The following USP9Y variants were observed in gnomAD, a reference collection of about 807,000 sequenced individuals.
USP9Y encodes the protein ubiquitin specific peptidase 9 Y-linked.
USP9Y carries 41 observed loss-of-function variants against 53.1 expected under a neutral mutation model. The ratio of observed to expected loss-of-function variants is 0.77; its 90% confidence interval spans 0.60 to 1.00. The LOEUF (loss-of-function observed/expected upper bound fraction) is 1.00. Ranked by LOEUF, USP9Y falls within the 50% of genes least tolerant of loss-of-function variation. USP9Y has a pLI of 0.00. For synonymous variants in USP9Y, 220 were observed against 173.7 expected (o/e 1.27, Z -2.09); for missense variants, 567 against 535.8 (o/e 1.06, Z -0.58).
chrY:12,830,563 C>T, intron 33 of USP9Y, among the ~76,000 whole-genome samples: 7 of 33,353 alleles, frequency 2.1e-4, no homozygotes, highest in Admixed American at 1.9e-3. Flanking sequence ...TAAAAACATG[C>T]AGTGAATACA....
intron 27 of USP9Y, among the ~76,000 whole-genome samples, chrY:12,799,498 C>T (rs776796997): frequency 3.0e-5 from 1 of 33,775 alleles, no homozygotes; most frequent in South Asian, 6.6e-4. Context: ...TAGATGTGAG[C>T]TTGTGAAATG....
chrY:12,723,907 T>G, intron 5 of USP9Y, among the ~76,000 whole-genome samples: 1 of 33,622 alleles, frequency 3.0e-5, no homozygotes, highest in African/African-American at 1.2e-4. Flanking sequence ...ACGACTGTTA[T>G]GTTGTTTTAC....
In USP9Y at chrY:12,778,589, C is replaced by T; in HGVS notation, c.2881-17C>T. The T allele has an allele frequency of 2.5e-6, 1 of 396,562 alleles. No homozygotes were observed. Among genetic ancestry groups the T allele is most frequent in the Non-Finnish European group, 3.5e-6 (1 of 281,785 alleles). ...GTTTTGCCTTGTCTTTGCTAATAAACACACTGTTATTTTCAGCTAATTACA... is the reference window on the plus strand; with the variant it reads ...GTTTTGCCTTGTCTTTGCTAATAAATACACTGTTATTTTCAGCTAATTACA... On this transcript the variant is annotated splice_polypyrimidine_tract_variant and intron_variant, in intron 20 of 45. Coordinates refer to ENST00000338981, the MANE Select transcript of USP9Y (RefSeq NM_004654.4).
At chrY:12,714,049 C>T in intron 3 of USP9Y, among the ~76,000 whole-genome samples, 1 of 29,825 alleles carries the variant, frequency 3.4e-5, no homozygotes. Flanking sequence ...CGTGTCACCA[C>T]GCCTGGCTAA....
chrY:12,774,770 T>C, intron 17 of USP9Y, among the ~76,000 whole-genome samples: 1 of 33,588 alleles, frequency 3.0e-5, no homozygotes. Context: ...CATCTTGATA[T>C]ATCTAATCTG....
intron 15 of USP9Y, among the ~76,000 whole-genome samples, chrY:12,769,472 AC>A: frequency 3.0e-5 from 1 of 33,884 alleles, no homozygotes; most frequent in East Asian, 7.7e-4. Context: ...CCTGAGAAAT[AC>A]CTGTGTCTGT....
At chrY:12,805,419 A>G (rs2053523407) in intron 27 of USP9Y, among the ~76,000 whole-genome samples, 1 of 33,348 alleles carries the variant, frequency 3.0e-5, no homozygotes, top group Non-Finnish European at 7.4e-5. Context: ...TAATCCCTGG[A>G]AAGTTGCTTC....
chrY:12,816,431 T>C, intron 32 of USP9Y, 87 bp downstream of exon 32: 1 of 233,337 alleles, frequency 4.3e-6, no homozygotes, highest in Non-Finnish European at 7.1e-6. Context: ...TGGGATGTTA[T>C]GGGGACTACA....
Position 12,837,975 on chromosome Y carries a change from G to A in USP9Y, c.5260G>A (p.Asp1754Asn). 2.7e-6 allele frequency: 1 copy of A among 364,784 alleles called. No individual in the cohort carries two copies. The highest frequency in any genetic ancestry group is 3.9e-6 in the Non-Finnish European group (1 of 253,901). The allele number at this position is 364,784 out of a possible 400,897, so 91.0% of individuals were successfully genotyped here. The change falls in exon 35 of 46, where the codon GAC (aspartate) becomes AAC (asparagine). Residue 1754 changes from aspartate (D) to asparagine (N), a missense_variant. Physicochemically the swap from Asp to Asn is conservative, Grantham distance 23. Transcript: ENST00000338981. ...VDIRNHQNLLDSLEQYIKGDL... is the reference protein window; with the variant it reads ...VDIRNHQNLLNSLEQYIKGDL... ...TATTAGAAATCATCAAAATCTTCTT[G>A]ACTCTTTGGAACAGTATATCAAAGG... is the stretch of plus-strand genomic sequence containing the variant.
intron 15 of USP9Y, among the ~76,000 whole-genome samples, chrY:12,763,525 T>G (rs2053477368): frequency 3.1e-5 from 1 of 32,481 alleles, no homozygotes; most frequent in African/African-American, 1.2e-4. Flanking sequence ...TCTACTTTCA[T>G]TATGACACTT....
chrY:12,733,304 A>C (rs2053448778), intron 7 of USP9Y, among the ~76,000 whole-genome samples: 1 of 28,503 alleles, frequency 3.5e-5, no homozygotes, highest in Non-Finnish European at 8.3e-5. Context: ...GATTTATTTT[A>C]TCTTGTCTAC....
chrY:12,744,859 G>C, intron 12 of USP9Y, among the ~76,000 whole-genome samples: 2 of 33,413 alleles, frequency 6.0e-5, no homozygotes, highest in Non-Finnish European at 1.5e-4. Context: ...GCTAGGCTTT[G>C]TTGAGCTTCC....
chrY:12,725,789 G>A, intron 6 of USP9Y, among the ~76,000 whole-genome samples: 2 of 33,185 alleles, frequency 6.0e-5, no homozygotes. Context: ...CATACTTAGA[G>A]TTTTGATGCC....
In USP9Y at chrY:12,846,528, C is replaced by T; in HGVS notation, c.6754+10C>T. 2.5e-6 allele frequency: 1 copy of T among 394,031 alleles called. No homozygotes were observed. On this transcript the variant is annotated intron_variant, in intron 40 of 45. Transcript: ENST00000338981. ...CAGTCTTCAATCAATGGTAAAGTAG[C>T]ATGTTCCATTTCTTTTACAGCAGTT...
At chrY:12,741,478 C>G in intron 12 of USP9Y, among the ~76,000 whole-genome samples, 1 of 33,270 alleles carries the variant, frequency 3.0e-5, no homozygotes, top group Non-Finnish European at 7.4e-5. Flanking sequence ...TGCTCAAACT[C>G]TAGGTGATAA....
intron 15 of USP9Y, among the ~76,000 whole-genome samples, chrY:12,764,563 T>G (rs1024489697): frequency 3.0e-5 from 1 of 33,579 alleles, no homozygotes; most frequent in Non-Finnish European, 7.4e-5. Context: ...AGGATATTTT[T>G]GGGGTATTTT....
At chrY:12,775,847 G>T (rs2053492009) in intron 18 of USP9Y, among the ~76,000 whole-genome samples, 1 of 30,975 alleles carries the variant, frequency 3.2e-5, no homozygotes, top group Non-Finnish European at 7.9e-5. Flanking sequence ...CTAGGCATTT[G>T]TTTTTTTTTG....
intron 19 of USP9Y, among the ~76,000 whole-genome samples, chrY:12,777,469 G>T (rs371905940): frequency 3.0e-5 from 1 of 33,007 alleles, no homozygotes; most frequent in South Asian, 6.7e-4. Context: ...GCACAATCAC[G>T]TTTTTTAAAA....
intron 5 of USP9Y, among the ~76,000 whole-genome samples, chrY:12,724,750 T>C (rs2053439633): frequency 3.0e-5 from 1 of 33,690 alleles, no homozygotes; most frequent in Admixed American, 2.7e-4. Context: ...CTTTTTAATT[T>C]TCACAGATTT....
Sources: allele counts gnomAD v4.1 joint callset (sites outside exome capture counted in the v4.1 genomes callset), GRCh38; gene constraint gnomAD v4.1.1; transcripts MANE v1.5; gene names NCBI Gene and HGNC (gene_info 2026-07-23, HGNC 2026-07-21).